Variants in BANK1 observed in about 807,000 individuals in gnomAD.
BANK1 encodes B cell scaffold protein with ankyrin repeats 1.
Under a neutral mutation model 94.5 loss-of-function variants are expected in BANK1, and 95 were observed. The ratio of observed to expected loss-of-function variants is 1.00; its 90% CI spans 0.85 to 1.19. The LOEUF is 1.19. Ranked by LOEUF, BANK1 falls within the 50% of genes most tolerant of loss-of-function variation. The probability of loss-of-function intolerance (pLI) is 0.00; values close to 1 mark genes in which losing one functional copy is unlikely to be tolerated. For missense variants in BANK1, 987 were observed against 932.2 expected, an observed-to-expected ratio of 1.06 and a Z score of -0.77; for synonymous variants, 334 against 308.4, an observed-to-expected ratio of 1.08 and a Z score of -0.87.
chr4:102,060,657 T>C (rs543206380), intron 12 of BANK1, among the ~76,000 whole-genome samples: 2 of 152,180 alleles, frequency 1.3e-5, no homozygotes, highest in African/African-American at 4.8e-5. Context: ...TGAGTGTTTT[T>C]TGAATCTTGT....
At chr4:102,000,179 C>A (rs996907177) in intron 7 of BANK1, among the ~76,000 whole-genome samples, 1 of 151,936 alleles carries the variant, frequency 6.6e-6, no homozygotes. Context: ...CAAAATTAGC[C>A]AGGCATGGTA....
intron 1 of BANK1, among the ~76,000 whole-genome samples, chr4:101,822,421 G>T (rs1726195483): frequency 1.3e-5 from 2 of 151,440 alleles, no homozygotes; most frequent in Admixed American, 1.3e-4. Flanking sequence ...TACTGATTCT[G>T]ACAATTTATT....
At chr4:101,992,228 TA>T (rs1169820929) in intron 7 of BANK1, among the ~76,000 whole-genome samples, 1 of 152,196 alleles carries the variant, frequency 6.6e-6, no homozygotes, top group African/African-American at 2.4e-5. Flanking sequence ...CAATGACTTT[TA>T]AAACTATAAA....
chr4:101,956,947 T>A (rs1439969086), intron 7 of BANK1, among the ~76,000 whole-genome samples: 1 of 152,200 alleles, frequency 6.6e-6, no homozygotes, highest in Non-Finnish European at 1.5e-5. Context: ...CCAGTTTTCA[T>A]ATCTTGATCT....
At chr4:101,938,821 T>G (rs1211525592) in intron 7 of BANK1, among the ~76,000 whole-genome samples, 1 of 151,662 alleles carries the variant, frequency 6.6e-6, no homozygotes, top group Admixed American at 6.6e-5. Flanking sequence ...TTATAAAAAT[T>G]ATACAAAGCA....
At chr4:102,011,777 A>G (rs1194035551) in intron 7 of BANK1, among the ~76,000 whole-genome samples, 7 of 152,098 alleles carry the variant, frequency 4.6e-5, no homozygotes, top group African/African-American at 1.2e-4. Context: ...TTCATTTTTT[A>G]TCAACTTATC....
intron 7 of BANK1, among the ~76,000 whole-genome samples, chr4:101,987,168 C>A (rs1725535462): frequency 6.6e-6 from 1 of 151,566 alleles, no homozygotes; most frequent in South Asian, 2.1e-4. Flanking sequence ...AAAATTGGTC[C>A]TCAATCCTTC....
chr4:101,920,383 A>G (rs1010720733), intron 7 of BANK1, among the ~76,000 whole-genome samples: 2 of 151,952 alleles, frequency 1.3e-5, no homozygotes, highest in South Asian at 4.1e-4. Context: ...AAAAGACACT[A>G]TCTATTCTAA....
intron 7 of BANK1, among the ~76,000 whole-genome samples, chr4:102,019,624 G>T (rs143288844): frequency 6.6e-6 from 1 of 152,226 alleles, no homozygotes; most frequent in East Asian, 1.9e-4. Context: ...CACAGCCAAG[G>T]ATTAAAATGA....
intron 14 of BANK1, 138 bp from the exon 15 acceptor site, chr4:102,072,207 C>T (rs1728782800): frequency 1.1e-5 from 8 of 707,428 alleles, no homozygotes; most frequent in Non-Finnish European, 1.7e-5. Flanking sequence ...TTTTCGGTAT[C>T]CCCCTTTTAT....
chr4:102,073,879 A>G (rs1407263122), intron 16 of BANK1, 126 bp from the exon 17 acceptor site: 3 of 676,594 alleles, frequency 4.4e-6, no homozygotes, highest in African/African-American at 1.8e-5. Flanking sequence ...ATTAACATGT[A>G]TTTTTCAAGC....
intron 2 of BANK1, among the ~76,000 whole-genome samples, chr4:101,838,499 A>G (rs1056206814): frequency 6.6e-6 from 1 of 152,140 alleles, no homozygotes; most frequent in South Asian, 2.1e-4. Flanking sequence ...TTTCAATTCC[A>G]CATGGGAAAT....
chr4:101,791,004 C>T (rs1230940658), intron 1 of BANK1, 54 bp downstream of exon 1: 7 of 1,370,440 alleles, frequency 5.1e-6, no homozygotes, highest in African/African-American at 3.0e-5. Context: ...CTACGGGGCT[C>T]TGCGGAGACC....
chr4:101,951,879 TAAAG>T (rs1032482661), intron 7 of BANK1, among the ~76,000 whole-genome samples: 81 of 149,926 alleles, frequency 5.4e-4, no homozygotes, highest in African/African-American at 1.9e-3. Context: ...ACAAAAAAAA[TAAAG>T]AATGTGTGCT....
Position 101,986,899 on chromosome 4 carries a change from G to GTGTGTATATA in BANK1, c.1207-34614_1207-34613insGTGTATATAT, listed in dbSNP as rs1343197093. ...TGTGTGTGTGTGTGTGTGTGTGTGT[G>GTGTGTATATA]TATATATATATATATATATATATAT... On this transcript the variant is annotated intron_variant, in intron 7 of 16. Transcript: ENST00000322953. Among the ~76,000 whole-genome samples, 23 of 82,670 alleles carry GTGTGTATATA rather than the reference G, an allele frequency of 2.8e-4. 3 individuals are homozygous for GTGTGTATATA. Among genetic ancestry groups the GTGTGTATATA allele is most frequent in the African/African-American group, 1.4e-3 (22 of 15,528 alleles). The allele number at this position is 82,670 out of a possible 152,430, so 54.2% of individuals were successfully genotyped here. A position where few individuals can be genotyped will look rare whatever the true frequency, so the allele number is the denominator to read the frequency against.
chr4:101,890,007 T>G (rs1721790289), intron 5 of BANK1, among the ~76,000 whole-genome samples: 1 of 152,196 alleles, frequency 6.6e-6, no homozygotes, highest in Non-Finnish European at 1.5e-5. Context: ...TCTAGTTTGA[T>G]TCCATGCGGT....
At chr4:101,832,597 G>A (rs571446847) in intron 2 of BANK1, among the ~76,000 whole-genome samples, 2 of 152,016 alleles carry the variant, frequency 1.3e-5, no homozygotes, top group East Asian at 3.9e-4. Context: ...CGTTTTCATA[G>A]TACTTTTACT....
intron 4 of BANK1, among the ~76,000 whole-genome samples, chr4:101,870,072 C>T (rs889609432): frequency 3.4e-5 from 5 of 148,850 alleles, no homozygotes; most frequent in African/African-American, 1.3e-4. Context: ...CAGCTGTACT[C>T]TTTCAAATTA....
At chr4:101,973,580 T>C (rs528646162) in intron 7 of BANK1, among the ~76,000 whole-genome samples, 9 of 152,028 alleles carry the variant, frequency 5.9e-5, no homozygotes, top group Non-Finnish European at 1.3e-4. Flanking sequence ...TTTTATGATG[T>C]GGAAATTCCA....
Sources: allele counts gnomAD v4.1 joint callset (sites outside exome capture counted in the v4.1 genomes callset), GRCh38; gene constraint gnomAD v4.1.1; transcripts MANE v1.5; gene names NCBI Gene and HGNC (gene_info 2026-07-23, HGNC 2026-07-21).